The following NALF1 variants were observed in gnomAD, a reference collection of about 807,000 sequenced individuals.
The protein encoded by NALF1 is family with sequence similarity 155 member A.
Under a neutral mutation model 48.4 loss-of-function variants are expected in NALF1, and 3 were observed. The observed-to-expected ratio is 0.06, with a 90% confidence interval of 0.03 to 0.16. The LOEUF (loss-of-function observed/expected upper bound fraction) is 0.16, where lower values mean the gene tolerates loss of function less well. NALF1 is among the 10% of genes least tolerant of loss of function. The pLI, the probability that NALF1 is intolerant of heterozygous loss-of-function variation, is 1.00. For missense variants in NALF1, 526 were observed against 571.5 expected (o/e 0.92, Z 0.81); for synonymous variants, 262 against 245.7 (o/e 1.07, Z -0.62).
chr13:107,782,770 C>G (rs1877936882), intron 1 of NALF1, among the ~76,000 whole-genome samples: 1 of 151,270 alleles, frequency 6.6e-6, no homozygotes, highest in African/African-American at 2.4e-5. Flanking sequence ...TGAGGAGCGT[C>G]TCTGCCCAGC....
At chr13:107,649,633 CAAGT>C (rs566763435) in intron 1 of NALF1, among the ~76,000 whole-genome samples, 17 of 152,136 alleles carry the variant, frequency 1.1e-4, no homozygotes, top group Admixed American at 2.0e-4. Flanking sequence ...TAAAGGTTTT[CAAGT>C]AAGTGGTAAG....
At chr13:107,771,098 T>A (rs1222490937) in intron 1 of NALF1, among the ~76,000 whole-genome samples, 5 of 152,202 alleles carry the variant, frequency 3.3e-5, no homozygotes, top group Non-Finnish European at 2.9e-5. Flanking sequence ...ATGTATTCTA[T>A]CTTGCAGATT....
In NALF1 at chr13:107,554,607, G is replaced by A. The variant is rs201927213; in HGVS notation, c.915+311075C>T. On this transcript the variant is annotated intron_variant, in intron 1 of 2. Coordinates refer to ENST00000375915, the MANE Select transcript of NALF1 (RefSeq NM_001080396.3). ...GAAGCCCAGACCCAAGAACTGGCAG[G>A]GAGTTGCCAAAGCAGGCCCTGGCCC... is the stretch of plus-strand genomic sequence containing the variant. Among the ~76,000 whole-genome samples the A allele has an allele frequency of 2.6e-5, 4 of 152,284 alleles. No homozygotes were observed. In the East Asian group the frequency reaches 7.7e-4, roughly 29 times the overall value.
At chr13:107,207,401 T>A (rs774452422) in intron 2 of NALF1, among the ~76,000 whole-genome samples, 1 of 152,186 alleles carries the variant, frequency 6.6e-6, no homozygotes, top group African/African-American at 2.4e-5. Context: ...GAGACGGACA[T>A]CCAAAAATGT....
intron 1 of NALF1, among the ~76,000 whole-genome samples, chr13:107,573,649 C>G (rs999988690): frequency 6.6e-6 from 1 of 152,018 alleles, no homozygotes; most frequent in Non-Finnish European, 1.5e-5. Context: ...CAAAACTCAT[C>G]TTGAATTGTA....
At chr13:107,283,641 TTTATTTATTTATTTATTTAC>T (rs1162008503) in intron 1 of NALF1, among the ~76,000 whole-genome samples, 104 of 148,552 alleles carry the variant, frequency 7.0e-4, no homozygotes, top group Middle Eastern at 7.1e-3. Flanking sequence ...TATTTATTTA[TTTATTTATTTATTTATTTAC>T]TATTTTTGTT....
At chr13:107,331,603 T>C (rs1351816026) in intron 1 of NALF1, among the ~76,000 whole-genome samples, 2 of 152,220 alleles carry the variant, frequency 1.3e-5, no homozygotes, top group African/African-American at 2.4e-5. Context: ...CATGGTTAAC[T>C]AGTAGCTGAG....
rs76905128 is a variant in NALF1 at position 107,286,828 on chromosome 13, T to C, written c.916-76073A>G. Among the ~76,000 whole-genome samples the C allele has an allele frequency of 5.5e-3, 839 of 152,316 alleles. 7 individuals carry two copies. The highest frequency in any genetic ancestry group is 0.019 in the African/African-American group (805 of 41,564). ...ATCCCATGTTAAATTAGTCTGTTTA[T>C]ATAAAACATCTGGAAAGATAAATCC... On this transcript the variant is annotated intron_variant, in intron 1 of 2. Coordinates refer to ENST00000375915, the MANE Select transcript of NALF1 (RefSeq NM_001080396.3).
intron 1 of NALF1, among the ~76,000 whole-genome samples, chr13:107,251,045 A>G (rs1481322135): frequency 2.6e-5 from 4 of 152,202 alleles, no homozygotes; most frequent in African/African-American, 9.6e-5. Context: ...ACCCAGTCTC[A>G]GGTAGTTCTT....
At chr13:107,408,579 G>A (rs1379897803) in intron 1 of NALF1, among the ~76,000 whole-genome samples, 1 of 152,076 alleles carries the variant, frequency 6.6e-6, no homozygotes, top group African/African-American at 2.4e-5. Context: ...AGCTAGTTCT[G>A]TATGGACACA....
intron 1 of NALF1, among the ~76,000 whole-genome samples, chr13:107,487,626 A>G (rs893917212): frequency 9.9e-5 from 15 of 152,200 alleles, no homozygotes; most frequent in Admixed American, 6.5e-5. Context: ...CCGCAGATGA[A>G]GCCTACTTGA....
chr13:107,578,754 C>T (rs1278313603), intron 1 of NALF1, among the ~76,000 whole-genome samples: 1 of 152,094 alleles, frequency 6.6e-6, no homozygotes, highest in Non-Finnish European at 1.5e-5. Context: ...TTCTAAGTAG[C>T]ATCTGAATTT....
At chr13:107,339,276 G>A (rs1882624656) in intron 1 of NALF1, among the ~76,000 whole-genome samples, 1 of 152,070 alleles carries the variant, frequency 6.6e-6, no homozygotes, top group South Asian at 2.1e-4. Context: ...AGACTTATGT[G>A]TTGGGTTTAT....
Position 107,843,570 on chromosome 13 carries a change from G to A in NALF1, c.915+22112C>T, listed in dbSNP as rs146260479. On this transcript the variant is annotated intron_variant, in intron 1 of 2. Coordinates refer to ENST00000375915, the MANE Select transcript of NALF1 (RefSeq NM_001080396.3). ...CTGAAGAATCAGGCTTAGCATTTTCGCAAGATCCCCAAGTGCTTCCCCTGG... is the reference window on the plus strand; with the variant it reads ...CTGAAGAATCAGGCTTAGCATTTTCACAAGATCCCCAAGTGCTTCCCCTGG... Among the ~76,000 whole-genome samples the A allele has an allele frequency of 4.5e-4, 69 of 152,156 alleles. 1 individual carries two copies. The highest frequency in any genetic ancestry group is 3.4e-3 in the Middle Eastern group (1 of 294).
intron 1 of NALF1, among the ~76,000 whole-genome samples, chr13:107,660,205 C>T (rs1016720120): frequency 1.3e-5 from 2 of 151,426 alleles, no homozygotes; most frequent in African/African-American, 2.4e-5. Flanking sequence ...TTTGGGAGGT[C>T]GAGGTGGACG....
chr13:107,700,156 C>A (rs570695174), intron 1 of NALF1, among the ~76,000 whole-genome samples: 1 of 151,456 alleles, frequency 6.6e-6, no homozygotes, highest in African/African-American at 2.4e-5. Flanking sequence ...AAAAAAGCCT[C>A]AAAATTTATT....
At chr13:107,223,062 AGTACAATTTT>A (rs2138817199) in intron 1 of NALF1, among the ~76,000 whole-genome samples, 1 of 152,346 alleles carries the variant, frequency 6.6e-6, no homozygotes, top group East Asian at 1.9e-4. Context: ...TGGGCTAATA[AGTACAATTTT>A]GTATAAGCTG....
At chr13:107,813,653 A>C (rs1357331458) in intron 1 of NALF1, among the ~76,000 whole-genome samples, 1 of 151,246 alleles carries the variant, frequency 6.6e-6, no homozygotes, top group African/African-American at 2.4e-5. Context: ...AATTCTAGCA[A>C]AGTGCATAAA....
chr13:107,390,107 C>T (rs1325483925), intron 1 of NALF1, among the ~76,000 whole-genome samples: 1 of 152,114 alleles, frequency 6.6e-6, no homozygotes, highest in Non-Finnish European at 1.5e-5. Context: ...ACATGGCTCA[C>T]ACCTGTAATC....
Sources: allele counts gnomAD v4.1 joint callset (sites outside exome capture counted in the v4.1 genomes callset), GRCh38; gene constraint gnomAD v4.1.1; transcripts MANE v1.5; gene names NCBI Gene and HGNC (gene_info 2026-07-23, HGNC 2026-07-21).